Variants in NDUFA1 observed in about 807,000 individuals in gnomAD.
NDUFA1 encodes the protein NADH dehydrogenase [ubiquinone] 1 alpha subcomplex subunit 1.
For synonymous variants in NDUFA1, 21 were observed against 20.0 expected (o/e 1.05, Z -0.14); for missense variants, 42 against 56.0 (o/e 0.75, Z 0.80).
chrX:119,871,880 A>G lies in NDUFA1; in HGVS notation c.-32A>G, dbSNP rs932457840. On this transcript the variant is annotated 5_prime_UTR_variant, in exon 1 of 3. Transcript: ENST00000371437. ...CCAGGTCACCTTTCAAGGACCCAGA[A>G]GTAGGGTTTTGGCCTAGGTAACGGG... 5 of 1,191,287 alleles carry G rather than the reference A, an allele frequency of 4.2e-6. No homozygotes were observed. In the South Asian group the frequency reaches 8.8e-5, roughly 21 times the overall value.
intron 1 of NDUFA1, 131 bp downstream of exon 1, chrX:119,872,144 C>A: frequency 1.6e-6 from 1 of 633,585 alleles, no homozygotes; most frequent in Non-Finnish European, 2.5e-6. Context: ...TGCCTAGAAG[C>A]CGAGGCTTGC....
intron 1 of NDUFA1, among the ~76,000 whole-genome samples, chrX:119,872,883 G>GT (rs1352059298): frequency 1.8e-5 from 2 of 109,834 alleles, no homozygotes; most frequent in African/African-American, 6.6e-5. Flanking sequence ...GCGAGATCTT[G>GT]TTTTTTTACA....
Position 119,872,600 on chromosome X carries a change from A to G in NDUFA1, c.102+587A>G, listed in dbSNP as rs189074744. On this transcript the variant is annotated intron_variant, in intron 1 of 2. Transcript: ENST00000371437. Reference sequence around the variant, plus strand: ...CCACTGCACTCCAGCCTGGGCAACAAGAGCGAAACTCCGTCTCAAAAAAAA... The same window carrying G: ...CCACTGCACTCCAGCCTGGGCAACAGGAGCGAAACTCCGTCTCAAAAAAAA... Among the ~76,000 whole-genome samples the G allele has an allele frequency of 4.4e-3, 489 of 110,309 alleles. 2 individuals carry two copies. Among genetic ancestry groups the G allele is most frequent in the Non-Finnish European group, 7.3e-3 (387 of 52,743 alleles).
At chrX:119,872,132 G>A (rs1458322862) in intron 1 of NDUFA1, 119 bp downstream of exon 1, 3 of 719,014 alleles carry the variant, frequency 4.2e-6, no homozygotes, top group Middle Eastern at 3.2e-4. Flanking sequence ...CTTGCTTCCG[G>A]TTGCCTAGAA....
Position 119,873,412 on chromosome X carries a change from G to A in NDUFA1, c.192+19G>A, listed in dbSNP as rs749779940. ...GTCAAAGGTAAGATGCCACTCTGAT[G>A]CCAGCCTTTTGCCAGGGTTGAGGTG... is the stretch of plus-strand genomic sequence containing the variant. On this transcript the variant is annotated intron_variant, in intron 2 of 2. Coordinates refer to ENST00000371437, the MANE Select transcript of NDUFA1 (RefSeq NM_004541.4). 8.4e-7 allele frequency: 1 copy of A among 1,186,222 alleles called. No individual in the cohort carries two copies. The highest frequency in any genetic ancestry group is 2.2e-5 in the Admixed American group (1 of 45,940).
intron 2 of NDUFA1, among the ~76,000 whole-genome samples, chrX:119,876,153 C>T (rs768844209): frequency 2.9e-5 from 3 of 101,858 alleles, no homozygotes; most frequent in African/African-American, 7.3e-5. Context: ...TGCAGTGAGG[C>T]AAGATCGCAT....
chrX:119,873,503 T>G, intron 2 of NDUFA1, 110 bp downstream of exon 2: 1 of 542,738 alleles, frequency 1.8e-6, no homozygotes. Flanking sequence ...TCTTATCTAC[T>G]AGTGAGGTTG....
At chrX:119,876,326 A>C (rs1366085768) in intron 2 of NDUFA1, among the ~76,000 whole-genome samples, 188 bp from the exon 3 acceptor site, 3 of 112,230 alleles carry the variant, frequency 2.7e-5, no homozygotes, top group African/African-American at 9.7e-5. Flanking sequence ...AAAACTAGAA[A>C]TCATTACAGG....
chrX:119,871,878 G>A lies in NDUFA1; in HGVS notation c.-34G>A, dbSNP rs754483420. ...AGCCAGGTCACCTTTCAAGGACCCA[G>A]AAGTAGGGTTTTGGCCTAGGTAACG... On this transcript the variant is annotated 5_prime_UTR_variant, in exon 1 of 3. Transcript: ENST00000371437. The A allele has an allele frequency of 1.3e-5, 16 of 1,191,452 alleles. No homozygotes were observed. Among genetic ancestry groups the A allele is most frequent in the South Asian group, 1.8e-5 (1 of 56,539 alleles).
rs758443051 is a variant in NDUFA1 at position 119,872,319 on chromosome X, G to A, written c.102+306G>A. Among the ~76,000 whole-genome samples, 35 of 111,430 alleles carry A rather than the reference G, an allele frequency of 3.1e-4. 1 individual carries two copies. In the Middle Eastern group the frequency reaches 0.018, roughly 58 times the overall value. ...GCTCACTGCAACCTCCGCCTTCTGG[G>A]TTCAAGAGATTCTCCTGGTTGGGCG... On this transcript the variant is annotated intron_variant, in intron 1 of 2. Transcript: ENST00000371437.
At position 119,871,988 on chromosome X, in the gene NDUFA1, T is replaced by G; in HGVS notation, c.77T>G (p.Ile26Ser). The G allele has an allele frequency of 8.3e-7, 1 of 1,211,838 alleles. No individual in the cohort carries two copies. The highest frequency in any genetic ancestry group is 1.1e-6 in the Non-Finnish European group (1 of 895,282). ...ATTCCAGGACTGGCTACTGCGTACA[T>G]CCACAGGTTCACTAACGGGGGCAAG... ...LLIPGLATAY[I>S]HRFTNGGKEK... The change falls in exon 1 of 3, where the codon ATC becomes AGC. Residue 26 changes from isoleucine to serine, a missense_variant. Ile to Ser is a moderately radical substitution (Grantham distance 142). Transcript: ENST00000371437.
intron 1 of NDUFA1, 38 bp from the exon 2 acceptor site, chrX:119,873,266 T>C (rs1800824): frequency 3.6e-6 from 4 of 1,111,222 alleles, no homozygotes; most frequent in Non-Finnish European, 5.0e-6. Flanking sequence ...GGTCACTCAC[T>C]TTTATAAACT....
At chrX:119,873,246 C>A in intron 1 of NDUFA1, 58 bp from the exon 2 acceptor site, 1 of 899,454 alleles carries the variant, frequency 1.1e-6, no homozygotes, top group Non-Finnish European at 1.6e-6. Context: ...ATTGTAGTAT[C>A]TATCAATTGG....
chrX:119,874,310 A>C (rs1422004063), intron 2 of NDUFA1, among the ~76,000 whole-genome samples: 1 of 105,640 alleles, frequency 9.5e-6, no homozygotes, highest in Non-Finnish European at 1.9e-5. Flanking sequence ...ACCACCAAGC[A>C]CCCAATTTAT....
chrX:119,875,317 C>CTTTTTTTTTTTTTTTTTTTTTTT (rs61235666), intron 2 of NDUFA1, among the ~76,000 whole-genome samples: 1 of 59,621 alleles, frequency 1.7e-5, no homozygotes, highest in African/African-American at 7.4e-5. Flanking sequence ...ACTGATGAGT[C>CTTTTTTTTTTTTTTTTTTTTTTT]TTTTTTTTTT....
chrX:119,873,014 T>C (rs756514038), intron 1 of NDUFA1, among the ~76,000 whole-genome samples: 2 of 108,539 alleles, frequency 1.8e-5, no homozygotes, highest in East Asian at 2.9e-4. Flanking sequence ...TGTTGTTTCT[T>C]AGTGTCCCAA....
In NDUFA1 at chrX:119,871,972, C is replaced by A; in HGVS notation, c.61C>A (p.Leu21Met). The change falls in exon 1 of 3, where the codon CTG (leucine) becomes ATG (methionine). Residue 21 changes from leucine (L) to methionine (M), a missense_variant. Physicochemically the swap from Leu to Met is conservative, Grantham distance 15 (BLOSUM62 2). Transcript: ENST00000371437. The stretch of plus-strand genomic sequence containing the variant: ...GGGCGTGTGCTTGTTGATTCCAGGA[C>A]TGGCTACTGCGTACATCCACAGGTT... ...VMGVCLLIPGLATAYIHRFTN... is the reference protein window; with the variant it reads ...VMGVCLLIPGMATAYIHRFTN... 2 of 1,212,463 alleles carry A rather than the reference C, an allele frequency of 1.6e-6. No individual in the cohort carries two copies. Among genetic ancestry groups the A allele is most frequent in the Non-Finnish European group, 1.1e-6 (1 of 895,575 alleles).
At position 119,875,317 on chromosome X, in the gene NDUFA1, C is replaced by CTTTTT. The variant is rs61235666; in HGVS notation, c.193-1176_193-1172dup. ...AGAAGAAGTGTCATCACTGATGAGT[C>CTTTTT]TTTTTTTTTTTTTTTTTTTTTTTTT... On this transcript the variant is annotated intron_variant, in intron 2 of 2. Coordinates refer to ENST00000371437, the MANE Select transcript of NDUFA1 (RefSeq NM_004541.4). 2.5e-3 allele frequency among the ~76,000 whole-genome samples: 152 copies of CTTTTT among 59,625 alleles called. 7 individuals carry two copies. The highest frequency in any genetic ancestry group is 0.01 in the East Asian group (17 of 1,652). The allele number at this position is 59,625 out of a possible 115,157, so 51.8% of individuals were successfully genotyped here.
chrX:119,873,718 G>A (rs759162878), intron 2 of NDUFA1, among the ~76,000 whole-genome samples: 5 of 109,898 alleles, frequency 4.5e-5, no homozygotes, highest in Non-Finnish European at 7.6e-5. Context: ...TCTGCTGTTT[G>A]TCTTTTTTAC....
Sources: allele counts gnomAD v4.1 joint callset (sites outside exome capture counted in the v4.1 genomes callset), GRCh38; gene constraint gnomAD v4.1.1; transcripts MANE v1.5; gene names NCBI Gene and HGNC (gene_info 2026-07-23, HGNC 2026-07-21).